Variants in ARK2N observed in about 807,000 individuals in gnomAD.
ARK2N encodes the protein protein ARK2N.
At chr18:46,237,699 A>C in the ARK2N span, among the ~76,000 whole-genome samples, 1 of 152,172 alleles carries the variant, frequency 6.6e-6, no homozygotes, top group Non-Finnish European at 1.5e-5. Context: ...CAAGTGCTTT[A>C]AACAAATCTT....
At chr18:46,250,009 C>T in the ARK2N span, among the ~76,000 whole-genome samples, 1 of 152,086 alleles carries the variant, frequency 6.6e-6, no homozygotes, top group Non-Finnish European at 1.5e-5. Flanking sequence ...CGCCCCACCC[C>T]ATCTCTTAAT....
chr18:46,198,274 C>G, the ARK2N span, among the ~76,000 whole-genome samples: 65 of 133,446 alleles, frequency 4.9e-4, no homozygotes, highest in Non-Finnish European at 8.7e-4. Flanking sequence ...GCCCCCACTG[C>G]ACTCCAGTAT....
At chr18:46,179,289 T>C in the ARK2N span, among the ~76,000 whole-genome samples, 1 of 152,128 alleles carries the variant, frequency 6.6e-6, no homozygotes, top group Non-Finnish European at 1.5e-5. Flanking sequence ...GTTTGGTTTA[T>C]TTATTTTGAT....
At chr18:46,242,369 A>T in the ARK2N span, among the ~76,000 whole-genome samples, 5 of 152,198 alleles carry the variant, frequency 3.3e-5, no homozygotes, top group Non-Finnish European at 7.3e-5. Flanking sequence ...ATTTCTTATG[A>T]CTTGACCGAA....
chr18:46,206,771 CCTTT>C, the ARK2N span, among the ~76,000 whole-genome samples: 5 of 151,804 alleles, frequency 3.3e-5, no homozygotes, highest in African/African-American at 1.2e-4. Context: ...CTGCCATAGC[CCTTT>C]CTTTTATTTT....
chr18:46,236,021 A>G, the ARK2N span, among the ~76,000 whole-genome samples: 8 of 152,326 alleles, frequency 5.3e-5, no homozygotes, highest in East Asian at 1.2e-3. Flanking sequence ...AGATACTTCT[A>G]TATTTTGGTA....
At chr18:46,250,944 G>A in the ARK2N span, among the ~76,000 whole-genome samples, 4 of 152,186 alleles carry the variant, frequency 2.6e-5, no homozygotes, top group Non-Finnish European at 5.9e-5. Flanking sequence ...TCTGGTGAAT[G>A]TTCCCTATCA....
At chr18:46,247,925 G>A in the ARK2N span, among the ~76,000 whole-genome samples, 7 of 152,256 alleles carry the variant, frequency 4.6e-5, no homozygotes, top group African/African-American at 1.4e-4. Context: ...TGCCTGCCTC[G>A]GCCTCCCTAA....
chr18:46,236,830 GTTTT>G, the ARK2N span, among the ~76,000 whole-genome samples: 25,457 of 148,640 alleles, frequency 0.17, 2,614 homozygotes, highest in East Asian at 0.41. Flanking sequence ...AGCAGCTTCT[GTTTT>G]TTTTTTGTTG....
At chr18:46,262,186 G>A in the ARK2N span, among the ~76,000 whole-genome samples, 2 of 152,272 alleles carry the variant, frequency 1.3e-5, no homozygotes, top group South Asian at 4.1e-4. Context: ...CATTTGACTG[G>A]ACTGTGGAAT....
chr18:46,199,109 G>A, the ARK2N span, among the ~76,000 whole-genome samples: 10 of 152,216 alleles, frequency 6.6e-5, no homozygotes, highest in East Asian at 3.9e-4. Context: ...CAGTCTGGGA[G>A]TAAATGAGAT....
At chr18:46,219,712 C>G in the ARK2N span, among the ~76,000 whole-genome samples, 1 of 152,048 alleles carries the variant, frequency 6.6e-6, no homozygotes, top group Non-Finnish European at 1.5e-5. Context: ...CCTTGTGATC[C>G]GCTTGCCTTG....
At chr18:46,200,246 A>G in the ARK2N span, among the ~76,000 whole-genome samples, 1 of 152,262 alleles carries the variant, frequency 6.6e-6, no homozygotes, top group South Asian at 2.1e-4. Context: ...AGTCATTTAT[A>G]CTGAGTTCAG....
chr18:46,177,747 A>C, the ARK2N span, among the ~76,000 whole-genome samples: 1 of 151,964 alleles, frequency 6.6e-6, no homozygotes, highest in African/African-American at 2.4e-5. Flanking sequence ...ATTTCTATAA[A>C]AAATTTAAAA....
At chr18:46,193,591 GTTTT>G in the ARK2N span, among the ~76,000 whole-genome samples, 10 of 92,392 alleles carry the variant, frequency 1.1e-4, no homozygotes, top group African/African-American at 2.8e-4. Flanking sequence ...GCCCAGCCGG[GTTTT>G]TTTTTTTTTT....
At chr18:46,252,172 A>G in the ARK2N span, among the ~76,000 whole-genome samples, 1 of 151,552 alleles carries the variant, frequency 6.6e-6, no homozygotes, top group Non-Finnish European at 1.5e-5. Flanking sequence ...TAGCCTGGGT[A>G]ACAGAGCGAG....
chr18:46,205,596 GTC>G, the ARK2N span, among the ~76,000 whole-genome samples: 2 of 152,278 alleles, frequency 1.3e-5, no homozygotes, highest in South Asian at 4.1e-4. Flanking sequence ...TTCTGTTAAA[GTC>G]TCTTCTGTGT....
the ARK2N span, among the ~76,000 whole-genome samples, chr18:46,250,377 A>G: frequency 6.6e-6 from 1 of 152,070 alleles, no homozygotes. Flanking sequence ...TTATTAGTGC[A>G]CTGAATGGCA....
chr18:46,202,501 G>C, the ARK2N span, among the ~76,000 whole-genome samples: 3 of 152,164 alleles, frequency 2.0e-5, no homozygotes, highest in South Asian at 2.1e-4. Context: ...AGAGAAGGAA[G>C]AGACTATATT....
Sources: allele counts gnomAD v4.1 joint callset (sites outside exome capture counted in the v4.1 genomes callset), GRCh38; gene constraint gnomAD v4.1.1; transcripts MANE v1.5; gene names NCBI Gene and HGNC (gene_info 2026-07-23, HGNC 2026-07-21).